The following SPACA6 variants were observed in gnomAD, a reference collection of about 807,000 sequenced individuals.
SPACA6 encodes the protein sperm acrosome membrane-associated protein 6.
For synonymous variants in SPACA6, 6 were observed against 1.5 expected (o/e 4.05, Z -2.21); for missense variants, 8 against 2.8 (o/e 2.88, Z -1.34).
chr19:51,688,833 C>T (rs530052715), upstream of SPACA6, among the ~76,000 whole-genome samples: 2 of 149,446 alleles, frequency 1.3e-5, no homozygotes, highest in Non-Finnish European at 3.0e-5. Flanking sequence ...GGAGGACAGA[C>T]GGAAAGAGAC....
downstream of SPACA6, among the ~76,000 whole-genome samples, chr19:51,709,992 A>G (rs2083534739): frequency 6.6e-6 from 1 of 152,248 alleles, no homozygotes; most frequent in South Asian, 2.1e-4. Flanking sequence ...AGCACCAGCC[A>G]CGTGTGGCCG....
chr19:51,698,225 A>G (rs1243771589), intron 2 of SPACA6, among the ~76,000 whole-genome samples: 1 of 152,164 alleles, frequency 6.6e-6, no homozygotes, highest in East Asian at 1.9e-4. Context: ...GGTGTGCTCA[A>G]GACGGAAGCA....
chr19:51,693,214 A>G, upstream of SPACA6: 1 of 574,130 alleles, frequency 1.7e-6, no homozygotes, highest in Non-Finnish European at 3.4e-6. Context: ...TCCATCTCTG[A>G]CCCCCACCCC....
downstream of SPACA6, among the ~76,000 whole-genome samples, chr19:51,707,737 G>T (rs950888045): frequency 6.6e-6 from 1 of 152,174 alleles, no homozygotes; most frequent in East Asian, 1.9e-4. Context: ...GACACCAGTC[G>T]CAAGCCAGGG....
intron 2 of SPACA6, among the ~76,000 whole-genome samples, chr19:51,695,359 C>T (rs2083421749): frequency 6.6e-6 from 1 of 152,226 alleles, no homozygotes; most frequent in African/African-American, 2.4e-5. Flanking sequence ...GACCCTGGAA[C>T]TGTGGAGGCT....
At chr19:51,711,807 T>C (rs998899674) in intron 2 of SPACA6, among the ~76,000 whole-genome samples, 2 of 152,110 alleles carry the variant, frequency 1.3e-5, no homozygotes, top group Admixed American at 6.6e-5. Context: ...CAGGATTGCA[T>C]TGATATGAAA....
chr19:51,705,217 C>G (rs2083509669), downstream of SPACA6: 1 of 400,302 alleles, frequency 2.5e-6, no homozygotes, highest in Non-Finnish European at 4.4e-6. Context: ...AAGGTGGTCA[C>G]TACTAACTCA....
chr19:51,706,631 C>A (rs2083516920), downstream of SPACA6, among the ~76,000 whole-genome samples: 1 of 152,148 alleles, frequency 6.6e-6, no homozygotes, highest in Non-Finnish European at 1.5e-5. Flanking sequence ...TGCCCAATTT[C>A]ACCTTGTTCA....
chr19:51,705,473 G>T (rs73054887), downstream of SPACA6: 13,974 of 203,870 alleles, frequency 0.069, 618 homozygotes, highest in Non-Finnish European at 0.095. Context: ...CATCCACCTA[G>T]CAGTTCAAAC....
At chr19:51,692,779 C>T (rs769181448), upstream of SPACA6, 8 of 534,318 alleles carry the variant, frequency 1.5e-5, no homozygotes, top group South Asian at 7.0e-5. This position sits in a 1 kb window ranked among gnomAD's most constrained non-coding sequence, Gnocchi z 5.6. Flanking sequence ...GTCCACCTGC[C>T]GCGCCCCCCG....
chr19:51,709,531 CAAAAAAAAA>C (rs56170768), downstream of SPACA6, among the ~76,000 whole-genome samples: 20 of 54,466 alleles, frequency 3.7e-4, no homozygotes, highest in African/African-American at 1.3e-3. Flanking sequence ...AAAAAAAAGG[CAAAAAAAAA>C]AAAAAAAAAA....
At chr19:51,686,295 T>A, upstream of SPACA6, 1 of 152,368 alleles carries the variant, frequency 6.6e-6, no homozygotes. Context: ...AACATTTTCC[T>A]GAGCCCCTGC....
downstream of SPACA6, among the ~76,000 whole-genome samples, chr19:51,705,565 C>T (rs1302628906): frequency 6.6e-6 from 1 of 152,090 alleles, no homozygotes; most frequent in East Asian, 1.9e-4. Context: ...TCCTAAATAT[C>T]TCATGAAGCT....
downstream of SPACA6, among the ~76,000 whole-genome samples, chr19:51,709,077 G>A (rs1395145564): frequency 1.3e-5 from 2 of 152,032 alleles, no homozygotes; most frequent in African/African-American, 4.8e-5. Context: ...TAAGAGATGA[G>A]GGTCGGCTGG....
At chr19:51,690,328 C>T (rs930457818), upstream of SPACA6, among the ~76,000 whole-genome samples, 1 of 152,122 alleles carries the variant, frequency 6.6e-6, no homozygotes, top group African/African-American at 2.4e-5. Context: ...AGTTCAGAAC[C>T]TCAGCCCCTC....
chr19:51,700,482 T>G (rs2083460442), intron 2 of SPACA6, among the ~76,000 whole-genome samples: 2 of 152,306 alleles, frequency 1.3e-5, no homozygotes, highest in African/African-American at 4.8e-5. Context: ...TTATTTGACA[T>G]TCCAAATTTT....
At chr19:51,687,505 A>AC (rs1555791799), upstream of SPACA6, 6 of 150,766 alleles carry the variant, frequency 4.0e-5, no homozygotes, top group Non-Finnish European at 7.4e-5. Context: ...AAAAAAAAAA[A>AC]CCAAGGTGCA....
the SPACA6 span, among the ~76,000 whole-genome samples, chr19:51,682,728 T>C: frequency 6.6e-6 from 1 of 152,192 alleles, no homozygotes; most frequent in African/African-American, 2.4e-5. Context: ...AATAAAGTAT[T>C]ATAAACTGAG....
chr19:51,709,597 A>G (rs1439399243), downstream of SPACA6, among the ~76,000 whole-genome samples: 1 of 146,414 alleles, frequency 6.8e-6, no homozygotes, highest in Non-Finnish European at 1.5e-5. Flanking sequence ...CCTGGGCTAC[A>G]GAGCAAGACT....
Sources: gnomAD v4.1 joint callset for allele counts (sites outside exome capture counted in the v4.1 genomes callset) on GRCh38, gnomAD v4.1.1 for gene constraint, Gnocchi (gnomAD v3.1) non-coding constraint, MANE v1.5 for transcripts, NCBI Gene and HGNC (gene_info 2026-07-23, HGNC 2026-07-21) for gene names.